VSX2: variants seen among roughly 807,000 people sequenced by gnomAD.
VSX2 encodes ceh-10 homeo domain containing homolog.
VSX2 carries 28 observed loss-of-function variants against 32.1 expected under a neutral mutation model. The observed-to-expected ratio is 0.87, with a 90% CI of 0.65 to 1.20. The LOEUF is 1.20. Ranked by LOEUF, VSX2 falls within the 50% of genes most tolerant of loss-of-function variation. The pLI, the probability that VSX2 is intolerant of heterozygous loss-of-function variation, is 0.00. For missense variants in VSX2, 506 were observed against 488.7 expected (o/e 1.04, Z -0.33); for synonymous variants, 243 against 214.1 (o/e 1.14, Z -1.18).
chr14:74,251,789 A>G (rs936217982), intron 3 of VSX2, among the ~76,000 whole-genome samples: 5 of 150,896 alleles, frequency 3.3e-5, no homozygotes, highest in Admixed American at 1.3e-4. Flanking sequence ...GCGCGCTGCA[A>G]TAAACCGCGG....
Position 74,254,784 on chromosome 14 carries a change from A to ATTTTTTTTTTGTTTTTTTTTTT in VSX2, c.580-4808_580-4807insGTTTTTTTTTTTTTTTTTTTTT, listed in dbSNP as rs2079252273. On this transcript the variant is annotated intron_variant, in intron 3 of 4. Coordinates refer to ENST00000261980, the MANE Select transcript of VSX2 (RefSeq NM_182894.3). ...ATCCTCCAAAAACCCCGAAAAGTGG[A>ATTTTTTTTTTGTTTTTTTTTTT]TTTTTTTTTTTTTGAGACGCAGTCT... Among the ~76,000 whole-genome samples the ATTTTTTTTTTGTTTTTTTTTTT allele has an allele frequency of 1.7e-5, 2 of 116,612 alleles. 1 individual carries two copies. Among genetic ancestry groups the ATTTTTTTTTTGTTTTTTTTTTT allele is most frequent in the Non-Finnish European group, 3.5e-5 (2 of 56,940 alleles). 76.5% of individuals were successfully genotyped at this position (116,612 alleles called of 152,430 possible). A position where few individuals can be genotyped will look rare whatever the true frequency, so the allele number is the denominator to read the frequency against.
At chr14:74,246,990 G>A (rs2079196352) in intron 3 of VSX2, among the ~76,000 whole-genome samples, 2 of 152,114 alleles carry the variant, frequency 1.3e-5, no homozygotes, top group African/African-American at 4.8e-5. Context: ...GGTGGTATCT[G>A]AGGGCACCAG....
At chr14:74,252,789 T>C (rs1300942785) in intron 3 of VSX2, among the ~76,000 whole-genome samples, 1 of 151,904 alleles carries the variant, frequency 6.6e-6, no homozygotes, top group East Asian at 2.0e-4. Flanking sequence ...GGCTCACACC[T>C]GTAATCCCAG....
rs976943890 is a variant in VSX2, at chr14:74,261,403, G to A, written c.*484G>A. On this transcript the variant is annotated 3_prime_UTR_variant, in exon 5 of 5. Coordinates refer to ENST00000261980, the MANE Select transcript of VSX2 (RefSeq NM_182894.3). ...CTCAGCACCCCACTCCTCAGTAAAAGTCTTCTCCCAACTCAGCCTGTTCCT... is the reference window on the plus strand; with the variant it reads ...CTCAGCACCCCACTCCTCAGTAAAAATCTTCTCCCAACTCAGCCTGTTCCT... 1.8e-5 allele frequency: 3 copies of A among 168,608 alleles called. No homozygotes were observed. The allele number at this position is 168,608 out of a possible 1,614,324, so 10.4% of individuals were successfully genotyped here.
chr14:74,245,251 T>C lies in VSX2; in HGVS notation c.542T>C (p.Leu181Pro). 2 of 1,613,420 alleles carry C rather than the reference T, an allele frequency of 1.2e-6. No homozygotes were observed. Among genetic ancestry groups the C allele is most frequent in the Non-Finnish European group, 1.7e-6 (2 of 1,179,866 alleles). ...CCAGACGTCTATGCCCGGGAGATGC[T>C]GGCCATGAAAACGGAGCTGCCGGAA... is the stretch of plus-strand genomic sequence containing the variant. ...HYPDVYAREM[L>P]AMKTELPEDR... The change falls in exon 3 of 5, where the codon CTG (leucine) becomes CCG (proline). Residue 181 changes from leucine to proline, a missense_variant. Physicochemically the swap from Leu to Pro is moderately conservative, Grantham distance 98 (BLOSUM62 -3). Coordinates refer to ENST00000261980, the MANE Select transcript of VSX2 (RefSeq NM_182894.3).
At chr14:74,259,466 A>T in intron 3 of VSX2, 136 bp from the exon 4 acceptor site, 1 of 918,840 alleles carries the variant, frequency 1.1e-6, no homozygotes, top group Non-Finnish European at 1.7e-6. Flanking sequence ...AGGAACACAG[A>T]GGGCACCATG....
chr14:74,260,822 T>C lies in VSX2; in HGVS notation c.989T>C (p.Leu330Pro), dbSNP rs1283404737. The change falls in exon 5 of 5, where the codon CTG (leucine) becomes CCG (proline). Residue 330 changes from leucine to proline, a missense_variant. Leu to Pro is a moderately conservative substitution (Grantham distance 98, BLOSUM62 -3). Coordinates refer to ENST00000261980, the MANE Select transcript of VSX2 (RefSeq NM_182894.3). ...GGGACTGTGTCTGGGCCGGACAGCC[T>C]GGCCCGGAGTACCGAGAAGCCAGAG... ...VLGTVSGPDSLARSTEKPEEE... is the reference protein window; with the variant it reads ...VLGTVSGPDSPARSTEKPEEE... The C allele has an allele frequency of 6.4e-7, 1 of 1,567,588 alleles. No individual in the cohort carries two copies. The highest frequency in any genetic ancestry group is 8.6e-7 in the Non-Finnish European group (1 of 1,156,268).
intron 3 of VSX2, among the ~76,000 whole-genome samples, chr14:74,256,919 C>A (rs1454723721): frequency 2.6e-5 from 4 of 152,012 alleles, no homozygotes; most frequent in Non-Finnish European, 4.4e-5. Context: ...GGTGATCCAC[C>A]CGCCTCGGCC....
intron 3 of VSX2, among the ~76,000 whole-genome samples, chr14:74,254,825 G>C (rs2079253018): frequency 8.1e-6 from 1 of 122,888 alleles, no homozygotes; most frequent in Admixed American, 8.8e-5. Context: ...TGTCGCCCAG[G>C]CTCGAGTGCA....
At chr14:74,249,795 G>A (rs958417552) in intron 3 of VSX2, among the ~76,000 whole-genome samples, 3 of 152,108 alleles carry the variant, frequency 2.0e-5, no homozygotes, top group Non-Finnish European at 4.4e-5. Flanking sequence ...CAGCAGAAAG[G>A]CATGATGATT....
intron 2 of VSX2, 77 bp downstream of exon 2, chr14:74,241,343 G>T (rs2079148978): frequency 5.4e-6 from 8 of 1,492,870 alleles, no homozygotes; most frequent in Non-Finnish European, 6.5e-6. Context: ...CGGGTCTCTC[G>T]GACCCTATTT....
chr14:74,245,008 C>CAG lies in VSX2; in HGVS notation c.456-137_456-136dup, dbSNP rs374813517. 0.012 allele frequency among the ~76,000 whole-genome samples: 1,026 copies of CAG among 86,714 alleles called. 49 individuals carry two copies. The highest frequency in any genetic ancestry group is 0.083 in the East Asian group (199 of 2,388). 56.9% of individuals were successfully genotyped at this position (86,714 alleles called of 152,430 possible). ...AGAGAGAGAGAGAGAGAGAGAGAGA[C>CAG]AGAGAGAGAGAGAGAGAGAGAATTT... On this transcript the variant is annotated intron_variant, in intron 2 of 4. Coordinates refer to ENST00000261980, the MANE Select transcript of VSX2 (RefSeq NM_182894.3).
intron 2 of VSX2, among the ~76,000 whole-genome samples, chr14:74,243,577 T>A (rs547477205): frequency 6.6e-6 from 1 of 152,286 alleles, no homozygotes; most frequent in South Asian, 2.1e-4. Context: ...AGGACTTGAA[T>A]TTCTTTATTG....
intron 3 of VSX2, among the ~76,000 whole-genome samples, chr14:74,253,928 CAAAA>C (rs1237024386): frequency 6.6e-6 from 1 of 151,148 alleles, no homozygotes; most frequent in Non-Finnish European, 1.5e-5. Flanking sequence ...GAAAATCCGT[CAAAA>C]AAAGAAAGTA....
At chr14:74,247,785 G>C (rs961304749) in intron 3 of VSX2, among the ~76,000 whole-genome samples, 2 of 144,130 alleles carry the variant, frequency 1.4e-5, no homozygotes, top group African/African-American at 2.5e-5. Context: ...TGTTTATTGA[G>C]TACCAGGCAC....
At chr14:74,257,709 A>ACCCCCCCCCCCCCCC (rs33974776) in intron 3 of VSX2, among the ~76,000 whole-genome samples, 2 of 133,980 alleles carry the variant, frequency 1.5e-5, no homozygotes, top group African/African-American at 5.8e-5. Context: ...CGCGCGGACC[A>ACCCCCCCCCCCCCCC]CCCCCCACCC....
At position 74,260,936 on chromosome 14, in the gene VSX2, A is replaced by G; in HGVS notation, c.*17A>G. The G allele has an allele frequency of 1.3e-6, 2 of 1,550,542 alleles. No individual in the cohort carries two copies. The highest frequency in any genetic ancestry group is 1.7e-6 in the Non-Finnish European group (2 of 1,147,746). On this transcript the variant is annotated 3_prime_UTR_variant, in exon 5 of 5. Coordinates refer to ENST00000261980, the MANE Select transcript of VSX2 (RefSeq NM_182894.3). ...ATGGCTTAGGTCAAGGCGCGCTCAG[A>G]TGCCGGAGCCCCAAGACTCTGCTCT...
At chr14:74,243,119 A>T (rs1229378724) in intron 2 of VSX2, among the ~76,000 whole-genome samples, 2 of 152,098 alleles carry the variant, frequency 1.3e-5, no homozygotes, top group African/African-American at 4.8e-5. Flanking sequence ...AATACATTTT[A>T]CTCGAGCTTC....
intron 3 of VSX2, among the ~76,000 whole-genome samples, chr14:74,246,312 C>A (rs2079191510): frequency 6.6e-6 from 1 of 152,200 alleles, no homozygotes; most frequent in East Asian, 1.9e-4. Flanking sequence ...TTCCTTGTAT[C>A]TCCAGGTGTG....
Sources: allele counts gnomAD v4.1 joint callset (sites outside exome capture counted in the v4.1 genomes callset), GRCh38; gene constraint gnomAD v4.1.1; transcripts MANE v1.5; gene names NCBI Gene and HGNC (gene_info 2026-07-23, HGNC 2026-07-21).